Variants in RBAK observed in about 807,000 individuals in gnomAD.
RBAK encodes RB associated KRAB zinc finger.
RBAK carries 39 observed loss-of-function variants against 65.8 expected under a neutral mutation model. That is an observed-to-expected ratio of 0.59 (90% CI 0.46 to 0.77). The LOEUF (loss-of-function observed/expected upper bound fraction) is 0.77. Among genes scored for constraint, RBAK ranks in the 30% least tolerant of loss-of-function variants. The probability of loss-of-function intolerance (pLI) is 0.00; values close to 1 mark genes in which losing one functional copy is unlikely to be tolerated. For synonymous variants in RBAK, 343 were observed against 289.7 expected (o/e 1.18, Z -1.87); for missense variants, 884 against 855.1 (o/e 1.03, Z -0.42).
chr7:5,057,400 T>C lies in RBAK; in HGVS notation c.121T>C (p.Tyr41His), dbSNP rs1386690179. ...TTACAGGGATGTGATGTTGGAGAAC[T>C]ATAGCCATCTAGTTTCTGTGGGTGA... ...ITYRDVMLEN[Y>H]SHLVSVGYDT... Residue 41 changes from tyrosine (Y) to histidine (H), a missense_variant, in exon 3 of 5, where the codon TAT (tyrosine) becomes CAT (histidine). Tyr to His is a moderately conservative substitution (Grantham distance 83). Transcript: ENST00000396912. 1 of 1,614,128 alleles carries C rather than the reference T, an allele frequency of 6.2e-7. No individual in the cohort carries two copies. The highest frequency in any genetic ancestry group is 8.5e-7 in the Non-Finnish European group (1 of 1,180,010).
intron 4 of RBAK, among the ~76,000 whole-genome samples, chr7:5,061,818 A>AAC (rs1779081306): frequency 6.6e-6 from 1 of 151,648 alleles, no homozygotes; most frequent in Admixed American, 6.6e-5. Flanking sequence ...GATTCGCTTG[A>AAC]GCCTGAGAAG....
At chr7:5,055,227 C>T (rs1244917587) in intron 2 of RBAK, among the ~76,000 whole-genome samples, 2 of 148,788 alleles carry the variant, frequency 1.3e-5, no homozygotes, top group Admixed American at 6.7e-5. Context: ...ACTTTTGGAC[C>T]GAGAAGACTG....
intron 4 of RBAK, among the ~76,000 whole-genome samples, chr7:5,058,242 T>C (rs1778976168): frequency 6.6e-6 from 1 of 152,042 alleles, no homozygotes; most frequent in African/African-American, 2.4e-5. Context: ...GCCTGGCTAA[T>C]TTTTATATTT....
chr7:5,049,612 C>CT (rs1297871426), intron 2 of RBAK, among the ~76,000 whole-genome samples: 4 of 152,190 alleles, frequency 2.6e-5, no homozygotes, highest in African/African-American at 9.6e-5. Flanking sequence ...TACTTCCAAA[C>CT]TGATACTTTC....
rs1184326067 is a variant in RBAK, at chr7:5,067,306, G to C, written c.*1705G>C. 1 of 152,098 alleles carries C rather than the reference G, an allele frequency of 6.6e-6. No homozygotes were observed. Among genetic ancestry groups the C allele is most frequent in the African/African-American group, 2.4e-5 (1 of 41,428 alleles). 9.4% of individuals were successfully genotyped at this position (152,098 alleles called of 1,614,324 possible). On this transcript the variant is annotated 3_prime_UTR_variant, in exon 5 of 5. Coordinates refer to ENST00000396912, the MANE Select transcript of RBAK (RefSeq NM_021163.4). ...TTTGCAGATGCCATGAGTAAATTTG[G>C]TAAGTTCCCTGCATAAAAGTTATGC...
chr7:5,055,994 T>C (rs1788220551), intron 2 of RBAK, among the ~76,000 whole-genome samples: 1 of 152,186 alleles, frequency 6.6e-6, no homozygotes, highest in Non-Finnish European at 1.5e-5. Flanking sequence ...GGGCACTTCC[T>C]TTTTCTAAAC....
chr7:5,061,385 G>A (rs1042939067), intron 4 of RBAK, among the ~76,000 whole-genome samples: 11 of 150,884 alleles, frequency 7.3e-5, no homozygotes, highest in Non-Finnish European at 1.3e-4. Context: ...AGGTTAGCTA[G>A]TATTAAATAT....
intron 4 of RBAK, among the ~76,000 whole-genome samples, chr7:5,063,388 A>G (rs893558537): frequency 6.6e-6 from 1 of 152,092 alleles, no homozygotes; most frequent in Non-Finnish European, 1.5e-5. Context: ...AAAGTTTGAA[A>G]CATAATATTT....
intron 2 of RBAK, among the ~76,000 whole-genome samples, chr7:5,049,052 C>T (rs1330191096): frequency 1.3e-5 from 2 of 152,204 alleles, no homozygotes; most frequent in Non-Finnish European, 2.9e-5. Flanking sequence ...TATCACCATC[C>T]ATGACATCAT....
At chr7:5,063,579 G>A in intron 4 of RBAK, 116 bp from the exon 5 acceptor site, 1 of 714,972 alleles carries the variant, frequency 1.4e-6, no homozygotes, top group Non-Finnish European at 2.2e-6. Context: ...TTTTATTTAT[G>A]GAGATTGGCT....
intron 4 of RBAK, among the ~76,000 whole-genome samples, chr7:5,058,654 T>C (rs913208285): frequency 1.3e-5 from 2 of 152,188 alleles, no homozygotes; most frequent in African/African-American, 2.4e-5. Flanking sequence ...AGCCTTCGTC[T>C]CTTTCCCCAC....
At position 5,069,106 on chromosome 7, in the gene RBAK, TTAAGA is replaced by T. The variant is rs1274049399; in HGVS notation, c.*3508_*3512del. 2 of 152,234 alleles carry T rather than the reference TTAAGA, an allele frequency of 1.3e-5. No individual in the cohort carries two copies. The highest frequency in any genetic ancestry group is 4.8e-5 in the African/African-American group (2 of 41,460). The allele number at this position is 152,234 out of a possible 1,614,324, so 9.4% of individuals were successfully genotyped here. On this transcript the variant is annotated 3_prime_UTR_variant, in exon 5 of 5. Transcript: ENST00000396912. Reference sequence around the variant, plus strand: ...TTTGAGTGTGTTTTGAGCTGTGCACTTAAGATATGTGTATTTTTCTGCATGTGTGT... The same window carrying T: ...TTTGAGTGTGTTTTGAGCTGTGCACTTATGTGTATTTTTCTGCATGTGTGT...
At chr7:5,049,466 TCA>T (rs2115025397) in intron 2 of RBAK, among the ~76,000 whole-genome samples, 1 of 152,358 alleles carries the variant, frequency 6.6e-6, no homozygotes, top group African/African-American at 2.4e-5. Flanking sequence ...ATTTCAGTTC[TCA>T]GTGTTTTAGT....
chr7:5,047,848 G>A (rs1328708434), intron 1 of RBAK, among the ~76,000 whole-genome samples, 185 bp from the exon 2 acceptor site: 3 of 151,654 alleles, frequency 2.0e-5, no homozygotes, highest in Admixed American at 6.6e-5. Context: ...GCCAGAATTC[G>A]AGACCAGCCT....
chr7:5,051,353 T>C (rs1256399145), intron 2 of RBAK, among the ~76,000 whole-genome samples: 2 of 152,164 alleles, frequency 1.3e-5, no homozygotes, highest in Non-Finnish European at 2.9e-5. Context: ...TATTTTTATA[T>C]ATTTTTTTTC....
At chr7:5,046,862 C>T (rs1787998893) in intron 1 of RBAK, among the ~76,000 whole-genome samples, 1 of 152,102 alleles carries the variant, frequency 6.6e-6, no homozygotes, top group African/African-American at 2.4e-5. Context: ...GTGACTTGAC[C>T]GGGTCACTGG....
chr7:5,054,412 A>G (rs549251606), intron 2 of RBAK, among the ~76,000 whole-genome samples: 1 of 151,974 alleles, frequency 6.6e-6, no homozygotes, highest in African/African-American at 2.4e-5. Context: ...CCTCAAAAAA[A>G]AAAAAAAAAA....
rs373105735 is a variant in RBAK, at chr7:5,068,856, G to T, written c.*3255G>T. On this transcript the variant is annotated 3_prime_UTR_variant, in exon 5 of 5. Transcript: ENST00000396912. The stretch of plus-strand genomic sequence containing the variant: ...TAAAACAGTGAGCATGAATGAACTA[G>T]AAGTCCGTGTAATAACGCAGCTGAA... 20 of 152,220 alleles carry T rather than the reference G, an allele frequency of 1.3e-4. 1 individual carries two copies. The highest frequency in any genetic ancestry group is 1.2e-3 in the Admixed American group (19 of 15,282). The allele number at this position is 152,220 out of a possible 1,614,324, so 9.4% of individuals were successfully genotyped here.
chr7:5,055,482 A>G (rs191839637), intron 2 of RBAK, among the ~76,000 whole-genome samples: 12 of 152,130 alleles, frequency 7.9e-5, no homozygotes, highest in South Asian at 2.1e-4. Context: ...TTTTCTGTCA[A>G]GCTTTTTCAG....
Sources: gnomAD v4.1 joint callset for allele counts (sites outside exome capture counted in the v4.1 genomes callset) on GRCh38, gnomAD v4.1.1 for gene constraint, MANE v1.5 for transcripts, NCBI Gene and HGNC (gene_info 2026-07-23, HGNC 2026-07-21) for gene names.